MSI2: variants seen among roughly 807,000 people sequenced by gnomAD.
The protein encoded by MSI2 is RNA-binding protein Musashi homolog 2.
Under a neutral mutation model 45.6 loss-of-function variants are expected in MSI2, and 17 were observed. That is an observed-to-expected ratio of 0.37 (90% CI 0.26 to 0.56). The LOEUF (loss-of-function observed/expected upper bound fraction) is 0.56. MSI2 is among the 20% of genes least tolerant of loss of function. The probability of loss-of-function intolerance (pLI) is 0.77; values close to 1 mark genes in which losing one functional copy is unlikely to be tolerated. For synonymous variants in MSI2, 156 were observed against 158.2 expected (o/e 0.99, Z 0.11); for missense variants, 293 against 444.2 (o/e 0.66, Z 3.06).
chr17:57,411,551 A>T (rs2084197061), intron 6 of MSI2, among the ~76,000 whole-genome samples: 1 of 152,214 alleles, frequency 6.6e-6, no homozygotes, highest in East Asian at 1.9e-4. Flanking sequence ...CTAGGAGAGC[A>T]TAAATGACTA....
chr17:57,656,586 A>C (rs1911605869), intron 11 of MSI2, among the ~76,000 whole-genome samples: 1 of 152,200 alleles, frequency 6.6e-6, no homozygotes, highest in South Asian at 2.1e-4. Flanking sequence ...CTTGGTCTGC[A>C]GACAGGGAAT....
intron 9 of MSI2, among the ~76,000 whole-genome samples, chr17:57,621,132 C>G (rs556058369): frequency 6.6e-6 from 1 of 152,214 alleles, no homozygotes; most frequent in Non-Finnish European, 1.5e-5. Context: ...GGTAGTGTAG[C>G]ATCAGGCAGA....
At chr17:57,502,317 G>A (rs2086124212) in intron 6 of MSI2, among the ~76,000 whole-genome samples, 1 of 151,986 alleles carries the variant, frequency 6.6e-6, no homozygotes, top group South Asian at 2.1e-4. Context: ...AAGAGCATGG[G>A]CTCTGGGGTC....
At chr17:57,301,546 C>T (rs1362696782) in intron 5 of MSI2, among the ~76,000 whole-genome samples, 2 of 152,262 alleles carry the variant, frequency 1.3e-5, no homozygotes, top group Non-Finnish European at 1.5e-5. Flanking sequence ...CTTCCTATCA[C>T]ATTTGGGTTT....
intron 5 of MSI2, chr17:57,268,364 T>G (rs577215128): frequency 6.6e-6 from 1 of 151,338 alleles, no homozygotes; most frequent in Admixed American, 6.6e-5. Context: ...ATGGCGGGAG[T>G]GGGGTGGACC....
At chr17:57,588,174 C>T (rs1027611783) in intron 7 of MSI2, among the ~76,000 whole-genome samples, 5 of 152,102 alleles carry the variant, frequency 3.3e-5, no homozygotes, top group Admixed American at 1.3e-4. Context: ...GCAGACCCCT[C>T]GCATCCATCG....
At chr17:57,539,698 C>T (rs1284961034) in intron 7 of MSI2, among the ~76,000 whole-genome samples, 1 of 132,032 alleles carries the variant, frequency 7.6e-6, no homozygotes, top group East Asian at 2.3e-4. Context: ...TCTGCTCTTC[C>T]CAGACAACGT....
chr17:57,472,802 C>T (rs1338057097), intron 6 of MSI2, among the ~76,000 whole-genome samples: 2 of 152,144 alleles, frequency 1.3e-5, no homozygotes, highest in African/African-American at 4.8e-5. Flanking sequence ...TACCTTCTAC[C>T]CTGCAGCAAG....
At chr17:57,300,168 C>T (rs939273723) in intron 5 of MSI2, among the ~76,000 whole-genome samples, 4 of 152,256 alleles carry the variant, frequency 2.6e-5, no homozygotes, top group South Asian at 2.1e-4. Context: ...CCTTTGGTGA[C>T]GTGCTGTCAT....
At chr17:57,451,330 C>A (rs2085015343) in intron 6 of MSI2, among the ~76,000 whole-genome samples, 2 of 152,134 alleles carry the variant, frequency 1.3e-5, no homozygotes, top group Admixed American at 6.5e-5. Context: ...GGAGAAGCCA[C>A]CCCCTCCTTT....
intron 11 of MSI2, among the ~76,000 whole-genome samples, chr17:57,671,732 T>C (rs1029572526): frequency 6.6e-6 from 1 of 152,150 alleles, no homozygotes; most frequent in Non-Finnish European, 1.5e-5. Flanking sequence ...AGAAAATTGC[T>C]TTGTCCCTAA....
intron 5 of MSI2, among the ~76,000 whole-genome samples, chr17:57,347,561 A>G (rs1915709961): frequency 6.6e-6 from 1 of 152,128 alleles, no homozygotes. Flanking sequence ...TTTCTCTCTC[A>G]GCATCATGTA....
intron 5 of MSI2, among the ~76,000 whole-genome samples, chr17:57,313,742 A>G (rs768886353): frequency 9.2e-5 from 14 of 152,216 alleles, no homozygotes; most frequent in Non-Finnish European, 1.5e-4. Flanking sequence ...TTCTGTGTGT[A>G]CCGTATAAGG....
intron 7 of MSI2, among the ~76,000 whole-genome samples, chr17:57,585,887 T>A (rs1269819725): frequency 6.6e-6 from 1 of 152,260 alleles, no homozygotes; most frequent in Non-Finnish European, 1.5e-5. Context: ...TTGCTCCAGC[T>A]GCGCACACGA....
chr17:57,353,950 G>T (rs1227398258), intron 5 of MSI2, among the ~76,000 whole-genome samples: 1 of 152,062 alleles, frequency 6.6e-6, no homozygotes, highest in East Asian at 1.9e-4. Context: ...AGGATTTTGT[G>T]TAGGTATTTA....
intron 6 of MSI2, among the ~76,000 whole-genome samples, chr17:57,502,636 T>TATATATATATATATATATATCATAG: frequency 1.0e-5 from 1 of 96,902 alleles, no homozygotes; most frequent in Non-Finnish European, 2.1e-5. Context: ...TATATATATA[T>TATATATATATATATATATATCATAG]AGTCATCATT....
At chr17:57,697,445 C>G in the MSI2 span, among the ~76,000 whole-genome samples, 30 of 152,194 alleles carry the variant, frequency 2.0e-4, no homozygotes, top group African/African-American at 5.5e-4. Flanking sequence ...GACACTCGCT[C>G]TCTCACACTC....
At chr17:57,689,640 C>A (rs528024678), downstream of MSI2, among the ~76,000 whole-genome samples, 1 of 152,290 alleles carries the variant, frequency 6.6e-6, no homozygotes, top group Admixed American at 6.5e-5. Context: ...CCTGCATAGT[C>A]AAAATAGAGA....
intron 6 of MSI2, among the ~76,000 whole-genome samples, chr17:57,521,355 C>T (rs1038853895): frequency 1.3e-5 from 2 of 152,132 alleles, no homozygotes; most frequent in African/African-American, 4.8e-5. Context: ...CTCCCTTTCT[C>T]GTGGGGTTAT....
Sources: gnomAD v4.1 joint callset for allele counts (sites outside exome capture counted in the v4.1 genomes callset) on GRCh38, gnomAD v4.1.1 for gene constraint, MANE v1.5 for transcripts, NCBI Gene and HGNC (gene_info 2026-07-23, HGNC 2026-07-21) for gene names.